Variants in CEACAM6 observed in about 807,000 individuals in gnomAD.
The protein encoded by CEACAM6 is cell adhesion molecule CEACAM6.
Under a neutral mutation model 32.4 loss-of-function variants are expected in CEACAM6, and 21 were observed. That is an observed-to-expected ratio of 0.65 (90% confidence interval 0.46 to 0.93). The LOEUF is 0.93. CEACAM6 is among the 40% of genes least tolerant of loss of function. The probability of loss-of-function intolerance (pLI) is 0.00; values close to 1 mark genes in which losing one functional copy is unlikely to be tolerated. For missense variants in CEACAM6, 406 were observed against 432.2 expected (o/e 0.94, Z 0.54); for synonymous variants, 184 against 174.4 (o/e 1.06, Z -0.43).
At chr19:41,768,718 C>T (rs1326831285) in intron 5 of CEACAM6, among the ~76,000 whole-genome samples, 1 of 144,668 alleles carries the variant, frequency 6.9e-6, no homozygotes, top group Non-Finnish European at 1.5e-5. Context: ...GGCGGCTGGC[C>T]GGGCGGGGGG....
chr19:41,757,444 G>A (rs1214819567), intron 2 of CEACAM6, among the ~76,000 whole-genome samples: 3 of 152,128 alleles, frequency 2.0e-5, no homozygotes, highest in Admixed American at 2.0e-4. Context: ...GGCTGGCTGG[G>A]AGCAAGGATG....
At chr19:41,763,754 G>A (rs1343045928) in intron 4 of CEACAM6, among the ~76,000 whole-genome samples, 21 of 152,226 alleles carry the variant, frequency 1.4e-4, no homozygotes. Flanking sequence ...AATCAAAGGT[G>A]CCACACACGG....
chr19:41,763,516 G>C (rs2072939272), intron 4 of CEACAM6, among the ~76,000 whole-genome samples: 1 of 152,232 alleles, frequency 6.6e-6, no homozygotes, highest in African/African-American at 2.4e-5. Context: ...AGAGGTGCCA[G>C]AGGCTGTGGC....
At position 41,760,975 on chromosome 19, in the gene CEACAM6, G is replaced by A. The variant is rs564825688; in HGVS notation, c.425-274G>A. Reference sequence around the variant, plus strand: ...GGAGAAACCAGGAGAAGCACAAGGGGCTGTGACCCCGGGTCCTGTGTCTGT... The same window carrying A: ...GGAGAAACCAGGAGAAGCACAAGGGACTGTGACCCCGGGTCCTGTGTCTGT... On this transcript the variant is annotated intron_variant, in intron 2 of 5. Transcript: ENST00000199764. Among the ~76,000 whole-genome samples, 4 of 152,346 alleles carry A rather than the reference G, an allele frequency of 2.6e-5. No individual in the cohort carries two copies. The South Asian group carries it at 6.2e-4, about 24-fold the overall frequency.
chr19:41,771,674 G>A lies in CEACAM6; in HGVS notation c.*913G>A, dbSNP rs2122945302. On this transcript the variant is annotated 3_prime_UTR_variant, in exon 6 of 6. Transcript: ENST00000199764. ...AGTGTATTCTCTAAAAGCTTTAAAT[G>A]TCTGCATGCAGCCAGCCATCAAATA... The A allele has an allele frequency of 6.6e-6, 1 of 152,218 alleles. No individual in the cohort carries two copies. The highest frequency in any genetic ancestry group is 2.4e-5 in the African/African-American group (1 of 41,534). The allele number at this position is 152,218 out of a possible 1,614,324, so 9.4% of individuals were successfully genotyped here.
intron 4 of CEACAM6, among the ~76,000 whole-genome samples, chr19:41,763,255 T>C (rs1555822095): frequency 6.6e-6 from 1 of 152,134 alleles, no homozygotes; most frequent in African/African-American, 2.4e-5. Flanking sequence ...ATCAAACTCC[T>C]GGGCAGAGCT....
Position 41,768,102 on chromosome 19 carries a change from T to A in CEACAM6, c.*40+1803T>A, listed in dbSNP as rs547723106. Among the ~76,000 whole-genome samples, 69 of 152,190 alleles carry A rather than the reference T, an allele frequency of 4.5e-4. 1 individual carries two copies. The highest frequency in any genetic ancestry group is 1.6e-3 in the African/African-American group (67 of 41,528). On this transcript the variant is annotated intron_variant, in intron 5 of 5. Coordinates refer to ENST00000199764, the MANE Select transcript of CEACAM6 (RefSeq NM_002483.7). ...ATTTTTATTTATTTTTATTTTTTTT[T>A]ATTGATCATTCTTGGGTGTTTCTCG...
At chr19:41,759,983 G>A (rs116182425) in intron 2 of CEACAM6, among the ~76,000 whole-genome samples, 1,961 of 152,258 alleles carry the variant, frequency 0.013, 42 homozygotes, top group African/African-American at 0.045. Flanking sequence ...GGTGCTAAAC[G>A]GGTAAGTCTA....
intron 4 of CEACAM6, among the ~76,000 whole-genome samples, chr19:41,765,565 G>A (rs1196253656): frequency 1.3e-5 from 2 of 152,236 alleles, no homozygotes; most frequent in Non-Finnish European, 2.9e-5. Context: ...GAGCCTAAGA[G>A]AGCCCTCAGA....
chr19:41,769,766 AATT>A (rs2072981928), intron 5 of CEACAM6, among the ~76,000 whole-genome samples: 1 of 148,504 alleles, frequency 6.7e-6, no homozygotes, highest in Non-Finnish European at 1.5e-5. Flanking sequence ...ATTGATAAAC[AATT>A]ATTTGATGAT....
chr19:41,760,401 TC>T (rs1330572031), intron 2 of CEACAM6, among the ~76,000 whole-genome samples: 1 of 152,158 alleles, frequency 6.6e-6, no homozygotes, highest in Non-Finnish European at 1.5e-5. Flanking sequence ...CATTTCATGC[TC>T]CCCCTTTCCA....
intron 5 of CEACAM6, among the ~76,000 whole-genome samples, chr19:41,767,095 T>G (rs2072961263): frequency 6.6e-6 from 1 of 152,018 alleles, no homozygotes; most frequent in South Asian, 2.1e-4. Context: ...TTCTTCTTAC[T>G]TTCTTTCCCT....
intron 2 of CEACAM6, among the ~76,000 whole-genome samples, chr19:41,757,293 A>AG (rs2072894477): frequency 6.6e-6 from 1 of 151,890 alleles, no homozygotes; most frequent in South Asian, 2.1e-4. Flanking sequence ...GCCTGGCCTG[A>AG]GGGGTCCCCC....
intron 4 of CEACAM6, among the ~76,000 whole-genome samples, chr19:41,763,647 C>T (rs782029620): frequency 1.4e-4 from 22 of 152,306 alleles, no homozygotes; most frequent in Middle Eastern, 3.4e-3. Context: ...CGTTGTGCAT[C>T]CGTCTTCTGA....
In CEACAM6 at chr19:41,766,292, A is replaced by C; in HGVS notation, c.*33A>C. 6.7e-7 allele frequency: 1 copy of C among 1,498,494 alleles called. No individual in the cohort carries two copies. Among genetic ancestry groups the C allele is most frequent in the Non-Finnish European group, 9.1e-7 (1 of 1,099,200 alleles). 92.8% of individuals were successfully genotyped at this position (1,498,494 alleles called of 1,614,324 possible). ...GGTGTATTTTCGATATTTCAGGAAG[A>C]CTGGCAGGTATGATCGCCTTTCCTC... On this transcript the variant is annotated 3_prime_UTR_variant, in exon 5 of 6. Coordinates refer to ENST00000199764, the MANE Select transcript of CEACAM6 (RefSeq NM_002483.7).
intron 4 of CEACAM6, among the ~76,000 whole-genome samples, chr19:41,764,464 A>G (rs1249530436): frequency 6.6e-6 from 1 of 152,090 alleles, no homozygotes; most frequent in Non-Finnish European, 1.5e-5. Flanking sequence ...TTTAAAAAAA[A>G]AAAAATGTGG....
intron 5 of CEACAM6, among the ~76,000 whole-genome samples, chr19:41,766,940 A>G (rs139106023): frequency 0.012 from 1,705 of 142,622 alleles, 32 homozygotes; most frequent in African/African-American, 0.041. Context: ...TGGGAGGTGG[A>G]GCTTGCAGTG....
intron 4 of CEACAM6, among the ~76,000 whole-genome samples, 186 bp downstream of exon 4, chr19:41,762,409 G>GT (rs1276151678): frequency 6.6e-6 from 1 of 151,926 alleles, no homozygotes; most frequent in Non-Finnish European, 1.5e-5. Flanking sequence ...GTTTTTTGTT[G>GT]TTTTTTGTTT....
rs1555821146 is a variant in CEACAM6 at position 41,756,755 on chromosome 19, G to A, written c.220G>A (p.Asp74Asn). Residue 74 changes from aspartate (D) to asparagine (N), a missense_variant, in exon 2 of 6, where the codon GAT becomes AAT. Coordinates refer to ENST00000199764, the MANE Select transcript of CEACAM6 (RefSeq NM_002483.7). ...GYSWYKGERV[D>N]GNSLIVGYVI... Reference sequence around the variant, plus strand: ...CAGCTGGTACAAAGGCGAAAGAGTGGATGGCAACAGTCTAATTGTAGGATA... The same window carrying A: ...CAGCTGGTACAAAGGCGAAAGAGTGAATGGCAACAGTCTAATTGTAGGATA... The A allele has an allele frequency of 1.2e-6, 2 of 1,613,924 alleles. No homozygotes were observed. The highest frequency in any genetic ancestry group is 1.7e-6 in the Non-Finnish European group (2 of 1,180,010).
Sources: gnomAD v4.1 joint callset for allele counts (sites outside exome capture counted in the v4.1 genomes callset) on GRCh38, gnomAD v4.1.1 for gene constraint, MANE v1.5 for transcripts, NCBI Gene and HGNC (gene_info 2026-07-23, HGNC 2026-07-21) for gene names.